Variants in PRMT2 observed in about 807,000 individuals in gnomAD.
PRMT2 encodes protein arginine methyltransferase 2.
PRMT2 carries 26 observed loss-of-function variants against 57.6 expected under a neutral mutation model. The ratio of observed to expected loss-of-function variants is 0.45; its 90% CI spans 0.33 to 0.63. PRMT2 has a LOEUF of 0.63. PRMT2 is among the 20% of genes least tolerant of loss of function. The pLI, the probability that PRMT2 is intolerant of heterozygous loss-of-function variation, is 0.02. For missense variants in PRMT2, 472 were observed against 564.4 expected, an observed-to-expected ratio of 0.84 and a Z score of 1.66; for synonymous variants, 219 against 220.0, an observed-to-expected ratio of 1.00 and a Z score of 0.04.
At chr21:46,659,864 G>A (rs1169881427) in intron 8 of PRMT2, 1 of 985,252 alleles carries the variant, frequency 1.0e-6, no homozygotes. Context: ...AGGTTTTTAG[G>A]GATATGTAAT....
chr21:46,650,569 A>G (rs749614599), intron 7 of PRMT2, among the ~76,000 whole-genome samples: 9 of 152,194 alleles, frequency 5.9e-5, no homozygotes, highest in Non-Finnish European at 1.0e-4. Context: ...CCATAAGATG[A>G]CACACAGGAG....
Position 46,644,328 on chromosome 21 carries a change from A to C in PRMT2, c.167A>C (p.Lys56Thr), listed in dbSNP as rs778681818. ...CAGCTCAGTTTTTTGAGAGGAGAAAAAATTCTTATCCTGAGACAAACCACT... is the reference window on the plus strand; with the variant it reads ...CAGCTCAGTTTTTTGAGAGGAGAAACAATTCTTATCCTGAGACAAACCACT... ...ETQLSFLRGE[K>T]ILILRQTTAD... is the part of the protein sequence containing the mutation. The change falls in exon 5 of 12, where the codon AAA (lysine) becomes ACA (threonine). Residue 56 changes from lysine to threonine, a missense_variant. This residue lies in a region of PRMT2 where 243 missense variants were observed against 347.2 expected (regional missense o/e 0.70). Transcript: ENST00000355680. 169 of 1,605,326 alleles carry C rather than the reference A, an allele frequency of 1.1e-4. No individual in the cohort carries two copies. Among genetic ancestry groups the C allele is most frequent in the Non-Finnish European group, 1.2e-4 (142 of 1,177,546 alleles).
chr21:46,637,670 A>C (rs1248317657), intron 3 of PRMT2, among the ~76,000 whole-genome samples: 1 of 152,080 alleles, frequency 6.6e-6, no homozygotes, highest in Non-Finnish European at 1.5e-5. Context: ...TTTTCTTTTG[A>C]GAAATTTAAC....
At chr21:46,643,801 C>G (rs1281676494) in intron 4 of PRMT2, among the ~76,000 whole-genome samples, 162 bp downstream of exon 4, 2 of 152,210 alleles carry the variant, frequency 1.3e-5, no homozygotes, top group African/African-American at 4.8e-5. Flanking sequence ...CCAGTTCTGC[C>G]TCAAGCATGA....
intron 3 of PRMT2, among the ~76,000 whole-genome samples, chr21:46,639,777 A>G (rs1351060503): frequency 6.6e-6 from 1 of 151,632 alleles, no homozygotes; most frequent in Non-Finnish European, 1.5e-5. Flanking sequence ...TTTTTCTCGT[A>G]AAGAGCTAGT....
chr21:46,659,985 AAAT>A, intron 8 of PRMT2: 1 of 983,754 alleles, frequency 1.0e-6, no homozygotes, highest in Non-Finnish European at 1.2e-6. Context: ...TGGGGGATAA[AAAT>A]AAGTATATCA....
chr21:46,653,877 C>G, intron 7 of PRMT2: 1 of 1,023,256 alleles, frequency 9.8e-7, no homozygotes, highest in Non-Finnish European at 1.2e-6. Context: ...TCACCTCCTT[C>G]TACAACAATG....
At chr21:46,662,511 G>A (rs946656561) in intron 10 of PRMT2, among the ~76,000 whole-genome samples, 1 of 152,198 alleles carries the variant, frequency 6.6e-6, no homozygotes, top group Admixed American at 6.5e-5. Context: ...GCCTGGCCTG[G>A]CATGTGGTCC....
Position 46,637,099 on chromosome 21 carries a change from G to T in PRMT2, c.39+109G>T, listed in dbSNP as rs879095998. 114 of 1,128,938 alleles carry T rather than the reference G, an allele frequency of 1.0e-4. 1 individual carries two copies. In the South Asian group the frequency reaches 1.5e-3, roughly 15 times the overall value. The allele number at this position is 1,128,938 out of a possible 1,614,324, so 69.9% of individuals were successfully genotyped here. On this transcript the variant is annotated intron_variant, in intron 3 of 11. Coordinates refer to ENST00000355680, the MANE Select transcript of PRMT2 (RefSeq NM_206962.4). ...TGGAGCTTGGCTTGTGCCTTGGAAG[G>T]TGGCCACCGGCAGTAGAATGCTTAA... is the stretch of plus-strand genomic sequence containing the variant.
intron 9 of PRMT2, 49 bp downstream of exon 9, chr21:46,661,011 A>G (rs529975609): frequency 1.3e-6 from 2 of 1,576,296 alleles, no homozygotes; most frequent in South Asian, 1.1e-5. Context: ...AGTGACCACG[A>G]AACACTCAGA....
Position 46,661,446 on chromosome 21 carries a change from G to T in PRMT2, c.961-354G>T, listed in dbSNP as rs906679385. ...CGCCCCAGCTGGCGCCGCGTCTGGA[G>T]ATGGGGCGGGCGCGGTGGCGCCGGC... On this transcript the variant is annotated intron_variant, in intron 9 of 11. Coordinates refer to ENST00000355680, the MANE Select transcript of PRMT2 (RefSeq NM_206962.4). 2.6e-4 allele frequency: 46 copies of T among 178,600 alleles called. No individual in the cohort carries two copies. In the East Asian group the frequency reaches 5.0e-3, roughly 20 times the overall value. The allele number at this position is 178,600 out of a possible 1,614,324, so 11.1% of individuals were successfully genotyped here.
intron 7 of PRMT2, chr21:46,653,860 G>T: frequency 9.8e-7 from 1 of 1,024,862 alleles, no homozygotes; most frequent in South Asian, 3.5e-5. Flanking sequence ...CTCCAACCAA[G>T]GTCTCTTCAC....
intron 2 of PRMT2, 33 bp from the exon 3 acceptor site, chr21:46,636,862 AG>A: frequency 7.6e-7 from 1 of 1,322,548 alleles, no homozygotes; most frequent in Non-Finnish European, 1.1e-6. Context: ...CAATGTAACA[AG>A]TACTTTGTGT....
chr21:46,658,444 T>C (rs936976869), intron 7 of PRMT2: 1 of 290,054 alleles, frequency 3.4e-6, no homozygotes, highest in Non-Finnish European at 6.4e-6. Flanking sequence ...AGCTACGAGC[T>C]CTTCCGTGAC....
chr21:46,635,902 C>A (rs2061159261), intron 1 of PRMT2, 139 bp downstream of exon 1: 1 of 152,364 alleles, frequency 6.6e-6, no homozygotes, highest in Non-Finnish European at 1.5e-5. Context: ...AGCGCCTTCG[C>A]GATCTCAGCC....
At position 46,649,530 on chromosome 21, in the gene PRMT2, C is replaced by T. The variant is rs773187834; in HGVS notation, c.490-45C>T. ...TGACTCAGGAGAGTAGATGACGGGC[C>T]GTGTGCCGGCCGGATGTACGCTGAC... is the stretch of plus-strand genomic sequence containing the variant. On this transcript the variant is annotated intron_variant, in intron 6 of 11. Coordinates refer to ENST00000355680, the MANE Select transcript of PRMT2 (RefSeq NM_206962.4). This position sits in a 1 kb window ranked among gnomAD's most constrained non-coding sequence, Gnocchi z 4.8. 14 of 1,613,142 alleles carry T rather than the reference C, an allele frequency of 8.7e-6. No homozygotes were observed. Among genetic ancestry groups the T allele is most frequent in the Middle Eastern group, 1.8e-4 (1 of 5,482 alleles).
Position 46,660,859 on chromosome 21 carries a change from C to G in PRMT2, c.857C>G (p.Ser286Ter), listed in dbSNP as rs754046386. 6.2e-7 allele frequency: 1 copy of G among 1,612,740 alleles called. No homozygotes were observed. Among genetic ancestry groups the G allele is most frequent in the Non-Finnish European group, 8.5e-7 (1 of 1,179,494 alleles). The change falls in exon 9 of 12, where the codon TCA (serine) becomes TGA (stop). Residue 286 changes from serine to a stop codon, truncating the protein, a stop_gained. Coordinates refer to ENST00000355680, the MANE Select transcript of PRMT2 (RefSeq NM_206962.4). LOFTEE classifies it high-confidence loss of function. ...TCTTTAGCAGTTAAGGAGTTTTTTTCAAAGCCCAAGTATAACCACATTTTG... is the reference window on the plus strand; with the variant it reads ...TCTTTAGCAGTTAAGGAGTTTTTTTGAAAGCCCAAGTATAACCACATTTTG... ...LKSLAVKEFF[S>*]KPKYNHILKP...
At position 46,648,121 on chromosome 21, in the gene PRMT2, ACT is replaced by A. The variant is rs1178349395; in HGVS notation, c.328-333_328-332del. Among the ~76,000 whole-genome samples, 7 of 151,898 alleles carry A rather than the reference ACT, an allele frequency of 4.6e-5. No homozygotes were observed. The highest frequency in any genetic ancestry group is 6.8e-3 in the Middle Eastern group (2 of 294). On this transcript the variant is annotated intron_variant, in intron 5 of 11. Transcript: ENST00000355680. The surrounding 1 kb of genome is among the most constrained non-coding windows in gnomAD (Gnocchi z 4.8). ...GAGAGCTGACATCTTTATAACATTG[ACT>A]CTCAGTCTCTGATTACTTAAGCTTT...
chr21:46,658,723 T>C (rs2061575399), intron 7 of PRMT2, 22 bp from the exon 8 acceptor site: 6 of 1,611,820 alleles, frequency 3.7e-6, no homozygotes, highest in South Asian at 1.1e-5. Context: ...GTGTCTCCTG[T>C]GTGTCTTTCA....
Sources: gnomAD v4.1 joint callset for allele counts (sites outside exome capture counted in the v4.1 genomes callset) on GRCh38, gnomAD v4.1.1 for gene constraint, gnomAD v4.1.1 regional missense constraint, Gnocchi (gnomAD v3.1) non-coding constraint, MANE v1.5 for transcripts, NCBI Gene and HGNC (gene_info 2026-07-23, HGNC 2026-07-21) for gene names.